The following EVC2 variants were observed in gnomAD, a reference collection of about 807,000 sequenced individuals.
EVC2 encodes the protein limbin.
A neutral mutation model predicts 149.3 loss-of-function variants in EVC2; 148 were observed. That is an observed-to-expected ratio of 0.99 (90% CI 0.87 to 1.14). The LOEUF (loss-of-function observed/expected upper bound fraction) is 1.14. Among genes scored for constraint, EVC2 ranks in the 50% most tolerant of loss-of-function variants. EVC2 has a pLI of 0.00. For missense variants in EVC2, 1,854 were observed against 1,627.3 expected, an observed-to-expected ratio of 1.14 and a Z score of -2.40; for synonymous variants, 776 against 649.9, an observed-to-expected ratio of 1.19 and a Z score of -2.95.
chr4:5,648,465 C>G (rs996352236), intron 9 of EVC2, among the ~76,000 whole-genome samples: 6 of 152,102 alleles, frequency 3.9e-5, no homozygotes, highest in Admixed American at 2.6e-4. Flanking sequence ...GGTGCTTTAC[C>G]GGTGGTTTGC....
At chr4:5,584,886 G>C in intron 16 of EVC2, 36 bp from the exon 17 acceptor site, 1 of 1,607,434 alleles carries the variant, frequency 6.2e-7, no homozygotes, top group Middle Eastern at 1.7e-4. Context: ...AACCCAGAGA[G>C]CAGTGAGTAG....
Position 5,618,404 on chromosome 4 carries a change from G to A in EVC2, c.2706+74C>T. The A allele has an allele frequency of 6.4e-7, 1 of 1,570,420 alleles. No homozygotes were observed. The highest frequency in any genetic ancestry group is 2.2e-5 in the East Asian group (1 of 44,542). On this transcript the variant is annotated intron_variant, in intron 15 of 21. Coordinates refer to ENST00000344408, the MANE Select transcript of EVC2 (RefSeq NM_147127.5). This position sits in a 1 kb window ranked among gnomAD's most constrained non-coding sequence, Gnocchi z 4.4. ...TGAGATGGGCTCAGGCTGGGGAAGA[G>A]GCCAGACCCTGTAGGGCCAGCAGCT... is the stretch of plus-strand genomic sequence containing the variant.
chr4:5,640,775 G>T lies in EVC2; in HGVS notation c.1209C>A (p.Ser403Arg), dbSNP rs772660326. 2.5e-6 allele frequency: 4 copies of T among 1,614,034 alleles called. No homozygotes were observed. The highest frequency in any genetic ancestry group is 1.6e-4 in the Middle Eastern group (1 of 6,084). The change falls in exon 10 of 22, where the codon AGC becomes AGA. Residue 403 changes from serine (S) to arginine (R), a missense_variant. By Grantham distance (110) the Ser-to-Arg change is moderately radical. Transcript: ENST00000344408. The surrounding 1 kb of genome is among the most constrained non-coding windows in gnomAD (Gnocchi z 4.6). ...ADLEACRTQI[S>R]KDIIALLLKN... ...TCAGCAGAAGGGCAATGATATCCTTGCTGATTTGTGTTCGACAAGCCTCCA... is the reference window on the plus strand; with the variant it reads ...TCAGCAGAAGGGCAATGATATCCTTTCTGATTTGTGTTCGACAAGCCTCCA...
chr4:5,610,268 C>G (rs4263334), intron 16 of EVC2, among the ~76,000 whole-genome samples: 3 of 152,144 alleles, frequency 2.0e-5, no homozygotes, highest in Admixed American at 6.5e-5. Flanking sequence ...ACATATACCT[C>G]TATCGTATGC....
chr4:5,530,487 A>C, the EVC2 span, among the ~76,000 whole-genome samples: 1 of 152,008 alleles, frequency 6.6e-6, no homozygotes, highest in Non-Finnish European at 1.5e-5. Context: ...ACTACAGTCA[A>C]ACAAACTAAC....
intron 21 of EVC2, among the ~76,000 whole-genome samples, chr4:5,547,790 G>A (rs140526734): frequency 4.6e-5 from 7 of 152,288 alleles, no homozygotes; most frequent in Middle Eastern, 3.4e-3. Context: ...AACACAAACA[G>A]GGCTGAAACA....
Position 5,622,434 on chromosome 4 carries a change from G to A in EVC2, c.2501+103C>T. The stretch of plus-strand genomic sequence containing the variant: ...AACGCTGGTAATCTCATCTGTCTGG[G>A]GCCAGGTGTCTCATGCTTGGCCATC... On this transcript the variant is annotated intron_variant, in intron 14 of 21. Transcript: ENST00000344408. This position sits in a 1 kb window ranked among gnomAD's most constrained non-coding sequence, Gnocchi z 5.8. 4.6e-6 allele frequency: 6 copies of A among 1,316,354 alleles called. No individual in the cohort carries two copies. Among genetic ancestry groups the A allele is most frequent in the South Asian group, 1.3e-5 (1 of 78,934 alleles). 81.5% of individuals were successfully genotyped at this position (1,316,354 alleles called of 1,614,324 possible).
chr4:5,656,722 T>C (rs962416288), intron 9 of EVC2, among the ~76,000 whole-genome samples: 7 of 152,174 alleles, frequency 4.6e-5, no homozygotes, highest in African/African-American at 1.4e-4. Flanking sequence ...GAAGGGAGCA[T>C]GGCCCTGCTG....
chr4:5,708,408 G>A lies in EVC2; in HGVS notation c.106C>T (p.Arg36Cys), dbSNP rs534751425. 86 of 1,501,926 alleles carry A rather than the reference G, an allele frequency of 5.7e-5. No homozygotes were observed. In the South Asian group the frequency reaches 1.0e-3, roughly 18 times the overall value. 93.0% of individuals were successfully genotyped at this position (1,501,926 alleles called of 1,614,324 possible). The change falls in exon 1 of 22, where the codon CGT becomes TGT. Residue 36 changes from arginine (R) to cysteine (C), a missense_variant. Transcript: ENST00000344408. ...GCGCCGAGGGGGCGCCAGCGGGGAC[G>A]TGAGCTGGCGCCGAGACAGCCTCGG... ...GGRGCLGASS[R>C]PRWRPLGAQP...
At chr4:5,680,903 G>A (rs977389763) in intron 7 of EVC2, among the ~76,000 whole-genome samples, 2 of 151,666 alleles carry the variant, frequency 1.3e-5, no homozygotes, top group African/African-American at 4.9e-5. Flanking sequence ...CCGCCCCACA[G>A]ACTGCAGGCT....
upstream of EVC2, chr4:5,709,074 G>A (rs1043780146): frequency 6.6e-6 from 1 of 152,464 alleles, no homozygotes; most frequent in Non-Finnish European, 1.5e-5. Flanking sequence ...CCCACTGCCC[G>A]AGCCTGCTGT....
intron 21 of EVC2, among the ~76,000 whole-genome samples, chr4:5,555,191 G>A (rs1490207221): frequency 6.6e-6 from 1 of 151,904 alleles, no homozygotes; most frequent in Non-Finnish European, 1.5e-5. Context: ...ATAAAATAGA[G>A]TAAGAGAAAA....
chr4:5,553,146 G>T (rs1425388533), intron 21 of EVC2, among the ~76,000 whole-genome samples: 1 of 152,184 alleles, frequency 6.6e-6, no homozygotes. Context: ...GCTGGCATCT[G>T]CTCAGCTTCT....
chr4:5,580,944 C>A (rs1217321124), intron 17 of EVC2, among the ~76,000 whole-genome samples: 1 of 152,130 alleles, frequency 6.6e-6, no homozygotes, highest in Non-Finnish European at 1.5e-5. Flanking sequence ...GTAGTGAGAT[C>A]TGGTTGTTTA....
At chr4:5,598,441 C>G (rs1027773298) in intron 16 of EVC2, among the ~76,000 whole-genome samples, 7 of 152,084 alleles carry the variant, frequency 4.6e-5, no homozygotes, top group African/African-American at 1.7e-4. Context: ...TGATCTTTGA[C>G]AAACCTGAGA....
intron 20 of EVC2, 61 bp downstream of exon 20, chr4:5,568,383 C>G: frequency 6.7e-7 from 1 of 1,496,414 alleles, no homozygotes; most frequent in South Asian, 1.2e-5. Context: ...ACCTTGAGGA[C>G]TCATGGGGAC....
At chr4:5,570,358 C>T (rs2108772795) in intron 19 of EVC2, among the ~76,000 whole-genome samples, 1 of 152,202 alleles carries the variant, frequency 6.6e-6, no homozygotes, top group East Asian at 1.9e-4. Context: ...CTCATTATCA[C>T]AGCCCTTCCA....
chr4:5,544,703 G>A (rs963331058), intron 21 of EVC2, among the ~76,000 whole-genome samples: 6 of 152,296 alleles, frequency 3.9e-5, no homozygotes, highest in Non-Finnish European at 7.4e-5. Context: ...GAATCACAGA[G>A]AACTAAACAG....
chr4:5,697,552 A>G (rs1409928419), intron 2 of EVC2, 41 bp downstream of exon 2: 3 of 1,608,376 alleles, frequency 1.9e-6, no homozygotes, highest in South Asian at 1.1e-5. Context: ...CTGGTTTTTC[A>G]TGCTCAAAAC....
Sources: allele counts gnomAD v4.1 joint callset (sites outside exome capture counted in the v4.1 genomes callset), GRCh38; gene constraint gnomAD v4.1.1; non-coding constraint Gnocchi (gnomAD v3.1); transcripts MANE v1.5; gene names NCBI Gene and HGNC (gene_info 2026-07-23, HGNC 2026-07-21).